TMEM26: variants seen among roughly 807,000 people sequenced by gnomAD.
The protein encoded by TMEM26 is transmembrane protein 26.
In TMEM26, 38 loss-of-function variants were observed where a neutral mutation model predicts 28.8. That is an observed-to-expected ratio of 1.32 (90% CI 1.02 to 1.73). The LOEUF (loss-of-function observed/expected upper bound fraction) is 1.73, where lower values mean the gene tolerates loss of function less well. TMEM26 is among the 40% of genes most tolerant of loss of function. The pLI is 0.00. For synonymous variants in TMEM26, 227 were observed against 182.9 expected, an observed-to-expected ratio of 1.24 and a Z score of -1.95; for missense variants, 518 against 447.1, an observed-to-expected ratio of 1.16 and a Z score of -1.43.
At chr10:61,414,649 A>C (rs1839621119) in intron 4 of TMEM26, 1 of 152,082 alleles carries the variant, frequency 6.6e-6, no homozygotes. Context: ...CTTGAAGTAC[A>C]AAAGGCACAT....
chr10:61,412,527 GA>G (rs567273467), intron 5 of TMEM26, among the ~76,000 whole-genome samples: 62 of 152,064 alleles, frequency 4.1e-4, no homozygotes, highest in Non-Finnish European at 7.8e-4. Context: ...TCAGGCTAAG[GA>G]AAACATAATT....
At chr10:61,440,010 C>T (rs971380158) in intron 1 of TMEM26, among the ~76,000 whole-genome samples, 1 of 152,144 alleles carries the variant, frequency 6.6e-6, no homozygotes, top group Admixed American at 6.6e-5. Flanking sequence ...GAGGCCAAGG[C>T]AGGCAGATCA....
chr10:61,435,391 G>A (rs1839987410), intron 2 of TMEM26, among the ~76,000 whole-genome samples: 1 of 152,104 alleles, frequency 6.6e-6, no homozygotes, highest in African/African-American at 2.4e-5. Flanking sequence ...ACGTTGGCCA[G>A]GATGGTCCCC....
At chr10:61,411,493 G>A (rs967308817) in intron 5 of TMEM26, among the ~76,000 whole-genome samples, 3 of 152,290 alleles carry the variant, frequency 2.0e-5, no homozygotes, top group South Asian at 2.1e-4. Flanking sequence ...AAGCGTGTGC[G>A]CAAATTGTGC....
chr10:61,415,390 T>C (rs1202926792), intron 4 of TMEM26, among the ~76,000 whole-genome samples: 2 of 152,088 alleles, frequency 1.3e-5, no homozygotes, highest in East Asian at 3.8e-4. Flanking sequence ...CTTTACACAG[T>C]CAATGTCTAT....
chr10:61,410,193 T>A lies in TMEM26; in HGVS notation c.*129A>T, dbSNP rs2280449. 0.21 allele frequency: 226,927 copies of A among 1,077,362 alleles called. 25,535 individuals carry two copies. The highest frequency in any genetic ancestry group is 0.35 in the African/African-American group (21,706 of 62,736). 66.7% of individuals were successfully genotyped at this position (1,077,362 alleles called of 1,614,324 possible). On this transcript the variant is annotated 3_prime_UTR_variant, in exon 6 of 6. Transcript: ENST00000399298. ...AAAAAAGAAAATTCCTCAGCTTTGGTTTAAGATCACCTTTTTATGTTGTTC... is the reference window on the plus strand; with the variant it reads ...AAAAAAGAAAATTCCTCAGCTTTGGATTAAGATCACCTTTTTATGTTGTTC...
chr10:61,420,032 T>A (rs1018967553), intron 4 of TMEM26, among the ~76,000 whole-genome samples: 1 of 152,112 alleles, frequency 6.6e-6, no homozygotes, highest in Non-Finnish European at 1.5e-5. Flanking sequence ...CAGTTGAAAA[T>A]CTGTGTATAA....
intron 1 of TMEM26, among the ~76,000 whole-genome samples, chr10:61,438,075 A>T (rs1038332088): frequency 1.3e-5 from 2 of 152,186 alleles, no homozygotes; most frequent in African/African-American, 4.8e-5. Context: ...TTTCACTAAT[A>T]TATTTTTTCA....
At chr10:61,419,372 C>A (rs1326442655) in intron 4 of TMEM26, among the ~76,000 whole-genome samples, 1 of 152,016 alleles carries the variant, frequency 6.6e-6, no homozygotes, top group Admixed American at 6.6e-5. Flanking sequence ...TATTTCAAAG[C>A]AACTATTATA....
chr10:61,413,825 A>G (rs1482487454), intron 4 of TMEM26: 2 of 1,042,710 alleles, frequency 1.9e-6, no homozygotes, highest in Admixed American at 1.1e-4. Flanking sequence ...ACATTATGGG[A>G]GAAAAATGAT....
At chr10:61,414,089 T>C (rs372700392) in intron 4 of TMEM26, 19 of 980,628 alleles carry the variant, frequency 1.9e-5, no homozygotes, top group Admixed American at 1.8e-4. Flanking sequence ...GGAATAAGCC[T>C]ATTTCATTCA....
intron 4 of TMEM26, among the ~76,000 whole-genome samples, chr10:61,423,665 G>A (rs919520873): frequency 6.6e-6 from 1 of 152,146 alleles, no homozygotes; most frequent in Non-Finnish European, 1.5e-5. Flanking sequence ...TTGAGTCCAG[G>A]AGGTCAGTGC....
At chr10:61,433,822 A>C (rs915228232) in intron 2 of TMEM26, among the ~76,000 whole-genome samples, 3 of 152,164 alleles carry the variant, frequency 2.0e-5, no homozygotes, top group African/African-American at 7.2e-5. Context: ...ATAGCTGAGA[A>C]GGGCAATATG....
chr10:61,410,133 A>G lies in TMEM26; in HGVS notation c.*189T>C. 1 of 608,076 alleles carries G rather than the reference A, an allele frequency of 1.6e-6. No individual in the cohort carries two copies. The highest frequency in any genetic ancestry group is 2.9e-6 in the Non-Finnish European group (1 of 348,082). 37.7% of individuals were successfully genotyped at this position (608,076 alleles called of 1,614,324 possible). On this transcript the variant is annotated 3_prime_UTR_variant, in exon 6 of 6. Coordinates refer to ENST00000399298, the MANE Select transcript of TMEM26 (RefSeq NM_178505.8). ...GATACCATCACACAGAAGTTGTAGC[A>G]ATAGTCACTAATCAAAGTTCCTTCT...
intron 4 of TMEM26, among the ~76,000 whole-genome samples, chr10:61,420,407 T>C (rs1285294774): frequency 6.6e-6 from 1 of 151,956 alleles, no homozygotes; most frequent in Non-Finnish European, 1.5e-5. Context: ...ACACCCAATG[T>C]AAGTTTTATT....
intron 1 of TMEM26, among the ~76,000 whole-genome samples, chr10:61,439,437 C>T (rs1840057251): frequency 6.6e-6 from 1 of 152,100 alleles, no homozygotes; most frequent in African/African-American, 2.4e-5. Flanking sequence ...TATTTGAATG[C>T]CCGAATTTAT....
chr10:61,444,906 G>T (rs1169485678), intron 1 of TMEM26, among the ~76,000 whole-genome samples: 1 of 152,092 alleles, frequency 6.6e-6, no homozygotes, highest in Non-Finnish European at 1.5e-5. Context: ...GGGCTATTGT[G>T]AGGATTGAAT....
At chr10:61,441,973 G>A (rs939643322) in intron 1 of TMEM26, among the ~76,000 whole-genome samples, 4 of 151,914 alleles carry the variant, frequency 2.6e-5, no homozygotes, top group Admixed American at 6.6e-5. Context: ...TACACAAGCA[G>A]GAGCACCATC....
chr10:61,434,545 A>G (rs1313299802), intron 2 of TMEM26, among the ~76,000 whole-genome samples: 1 of 152,230 alleles, frequency 6.6e-6, no homozygotes, highest in African/African-American at 2.4e-5. Flanking sequence ...AGTAAATAGT[A>G]AAGAGATTGA....
Sources: allele counts gnomAD v4.1 joint callset (sites outside exome capture counted in the v4.1 genomes callset), GRCh38; gene constraint gnomAD v4.1.1; transcripts MANE v1.5; gene names NCBI Gene and HGNC (gene_info 2026-07-23, HGNC 2026-07-21).